The following UBE3B variants were observed in gnomAD, a reference collection of about 807,000 sequenced individuals.
UBE3B encodes the protein ubiquitin protein ligase E3B.
In UBE3B, 80 loss-of-function variants were observed where a neutral mutation model predicts 132.3. The ratio of observed to expected loss-of-function variants is 0.60; its 90% CI spans 0.50 to 0.73. The LOEUF is 0.73. UBE3B is among the 30% of genes least tolerant of loss of function. The pLI is 0.00. For missense variants in UBE3B, 1,196 were observed against 1,362.5 expected (o/e 0.88, Z 1.92); for synonymous variants, 487 against 520.4 (o/e 0.94, Z 0.87).
In UBE3B at chr12:109,481,704, T is replaced by C. The variant is rs1459366193; in HGVS notation, c.-60T>C. 6.6e-6 allele frequency: 1 copy of C among 152,240 alleles called. No homozygotes were observed. Among genetic ancestry groups the C allele is most frequent in the Admixed American group, 6.5e-5 (1 of 15,280 alleles). The allele number at this position is 152,240 out of a possible 1,614,324, so 9.4% of individuals were successfully genotyped here. On this transcript the variant is annotated 5_prime_UTR_variant, in exon 2 of 28. The change abolishes an upstream ATG in the 5' untranslated region. Coordinates refer to ENST00000342494, the MANE Select transcript of UBE3B (RefSeq NM_130466.4). ...CACGAGTCCTGTGCAAGATCACTAA[T>C]GATTACCTGGCATTTCTGCGACACA...
Position 109,535,712 on chromosome 12 carries a change from C to A in UBE3B, c.*930C>A, listed in dbSNP as rs185284114. ...GGCGGTGGCTTCACTCCTGAGTCTG[C>A]AAAATCCCAGGAAACTTGGGTCTTG... On this transcript the variant is annotated 3_prime_UTR_variant, in exon 28 of 28. Transcript: ENST00000342494. 147 of 152,380 alleles carry A rather than the reference C, an allele frequency of 9.6e-4. 1 individual carries two copies. The highest frequency in any genetic ancestry group is 3.4e-3 in the African/African-American group (141 of 41,568). 9.4% of individuals were successfully genotyped at this position (152,380 alleles called of 1,614,324 possible).
At chr12:109,484,110 G>GC (rs1254259539) in intron 4 of UBE3B, 129 bp downstream of exon 4, 97 of 1,011,480 alleles carry the variant, frequency 9.6e-5, no homozygotes, top group Non-Finnish European at 1.3e-4. Flanking sequence ...TGTCCCTTTT[G>GC]TTTTCTTGGG....
At chr12:109,537,532 A>T (rs1156333948), downstream of UBE3B, among the ~76,000 whole-genome samples, 1 of 152,184 alleles carries the variant, frequency 6.6e-6, no homozygotes, top group Non-Finnish European at 1.5e-5. Context: ...TGGAAGTCAG[A>T]TGTCTCAACA....
chr12:109,498,499 T>A, intron 11 of UBE3B, 146 bp downstream of exon 11: 2 of 930,206 alleles, frequency 2.2e-6, no homozygotes, highest in Non-Finnish European at 3.2e-6. Context: ...GATAGACAGT[T>A]AAAATAGACA....
At position 109,522,826 on chromosome 12, in the gene UBE3B, C is replaced by G. The variant is rs548182570; in HGVS notation, c.2365-1152C>G. On this transcript the variant is annotated intron_variant, in intron 21 of 27. Transcript: ENST00000342494. The surrounding 1 kb of genome is among the most constrained non-coding windows in gnomAD (Gnocchi z 4.2). The stretch of plus-strand genomic sequence containing the variant: ...TGGGTCCTGGGCCCATTCTCTGTGC[C>G]TCTGTTTCCTCATCTGCATAATAGA... 2.0e-5 allele frequency among the ~76,000 whole-genome samples: 3 copies of G among 152,318 alleles called. No individual in the cohort carries two copies. Among genetic ancestry groups the G allele is most frequent in the Admixed American group, 2.0e-4 (3 of 15,300 alleles).
chr12:109,487,230 G>A (rs1214570910), intron 6 of UBE3B, among the ~76,000 whole-genome samples: 3 of 152,158 alleles, frequency 2.0e-5, no homozygotes, highest in Non-Finnish European at 4.4e-5. Context: ...AGAGGAATGG[G>A]GTACTGCCAC....
intron 4 of UBE3B, among the ~76,000 whole-genome samples, chr12:109,484,647 C>T (rs1876085430): frequency 6.6e-6 from 1 of 152,166 alleles, no homozygotes; most frequent in Admixed American, 6.5e-5. Flanking sequence ...GCCTCAGCCT[C>T]CCAGAGTGCT....
the UBE3B span, among the ~76,000 whole-genome samples, chr12:109,542,136 C>T: frequency 6.6e-6 from 1 of 152,200 alleles, no homozygotes; most frequent in Non-Finnish European, 1.5e-5. Flanking sequence ...CCTAAACAAT[C>T]TCATAGGGTG....
At chr12:109,518,144 C>T (rs761992471) in intron 19 of UBE3B, 4 of 205,098 alleles carry the variant, frequency 2.0e-5, no homozygotes, top group South Asian at 6.5e-5. Flanking sequence ...TCCACTTCTG[C>T]GCCCTCCTGT....
intron 26 of UBE3B, among the ~76,000 whole-genome samples, 179 bp downstream of exon 26, chr12:109,530,837 G>C (rs544383594): frequency 3.9e-5 from 6 of 152,316 alleles, no homozygotes; most frequent in Admixed American, 3.9e-4. Context: ...AGGGGCTTGA[G>C]GGGCACGGCC....
intron 6 of UBE3B, 88 bp downstream of exon 6, chr12:109,486,663 G>A: frequency 9.1e-7 from 1 of 1,100,936 alleles, no homozygotes; most frequent in South Asian, 1.6e-5. Flanking sequence ...TGTATTTTCA[G>A]AGTCACTATC....
intron 13 of UBE3B, 54 bp from the exon 14 acceptor site, chr12:109,502,969 G>A (rs1366375951): frequency 2.5e-6 from 4 of 1,609,390 alleles, no homozygotes; most frequent in Non-Finnish European, 2.5e-6. Flanking sequence ...TTCCAGGGTG[G>A]GATTTGGCAG....
the UBE3B span, among the ~76,000 whole-genome samples, chr12:109,544,527 G>A: frequency 6.6e-6 from 1 of 152,164 alleles, no homozygotes; most frequent in Non-Finnish European, 1.5e-5. Flanking sequence ...CACAAAGCCA[G>A]GAAAAGCTTC....
At chr12:109,478,395 A>T (rs916479894) in intron 1 of UBE3B, among the ~76,000 whole-genome samples, 10 of 152,196 alleles carry the variant, frequency 6.6e-5, no homozygotes, top group African/African-American at 2.4e-4. Flanking sequence ...ATTCAAAAGC[A>T]TCCACCTTAG....
At chr12:109,483,752 C>T (rs1166377060) in intron 3 of UBE3B, 40 bp downstream of exon 3, 2 of 1,574,290 alleles carry the variant, frequency 1.3e-6, no homozygotes, top group African/African-American at 2.7e-5. Context: ...TTCTCTGGCT[C>T]CCAATTAATA....
chr12:109,498,194 C>T, intron 10 of UBE3B, 39 bp from the exon 11 acceptor site: 1 of 1,610,446 alleles, frequency 6.2e-7, no homozygotes, highest in South Asian at 1.1e-5. Context: ...GAAACTGTTT[C>T]TGGCAGTTTC....
intron 13 of UBE3B, among the ~76,000 whole-genome samples, chr12:109,502,519 A>G (rs777787383): frequency 1.3e-5 from 2 of 152,212 alleles, no homozygotes; most frequent in Non-Finnish European, 2.9e-5. Context: ...TCTCATAGCT[A>G]GCAGTAAGCG....
At chr12:109,483,358 C>G (rs1875803315) in intron 2 of UBE3B, among the ~76,000 whole-genome samples, 173 bp from the exon 3 acceptor site, 1 of 152,110 alleles carries the variant, frequency 6.6e-6, no homozygotes, top group Non-Finnish European at 1.5e-5. Flanking sequence ...CATGAAAGAG[C>G]CTATAGGAGG....
At chr12:109,544,465 C>T in the UBE3B span, among the ~76,000 whole-genome samples, 9 of 152,324 alleles carry the variant, frequency 5.9e-5, no homozygotes, top group Admixed American at 2.6e-4. Context: ...CATGCAAGTA[C>T]AGTTCTAGCA....
Sources: allele counts gnomAD v4.1 joint callset (sites outside exome capture counted in the v4.1 genomes callset), GRCh38; gene constraint gnomAD v4.1.1; non-coding constraint Gnocchi (gnomAD v3.1); transcripts MANE v1.5; gene names NCBI Gene and HGNC (gene_info 2026-07-23, HGNC 2026-07-21).